Variants in ERBB2 observed in about 807,000 individuals in gnomAD.
ERBB2 encodes the protein erb-b2 receptor tyrosine kinase 2.
In ERBB2, 61 loss-of-function variants were observed where a neutral mutation model predicts 149.0. The observed-to-expected ratio is 0.41, with a 90% confidence interval of 0.33 to 0.51. The LOEUF (loss-of-function observed/expected upper bound fraction) is 0.51, where lower values mean the gene tolerates loss of function less well. ERBB2 is among the 20% of genes least tolerant of loss of function. The pLI, the probability that ERBB2 is intolerant of heterozygous loss-of-function variation, is 0.25. For synonymous variants in ERBB2, 633 were observed against 678.8 expected, an observed-to-expected ratio of 0.93 and a Z score of 1.05; for missense variants, 1,205 against 1,655.1, an observed-to-expected ratio of 0.73 and a Z score of 4.72.
upstream of ERBB2, among the ~76,000 whole-genome samples, chr17:39,695,726 C>CACACACAT (rs1342140419): frequency 2.0e-5 from 3 of 150,054 alleles, no homozygotes; most frequent in Non-Finnish European, 4.5e-5. Context: ...CACACACACA[C>CACACACAT]ACACACACAC....
At chr17:39,724,167 G>A (rs1383261019) in intron 19 of ERBB2, among the ~76,000 whole-genome samples, 157 bp downstream of exon 19, 2 of 151,632 alleles carry the variant, frequency 1.3e-5, no homozygotes, top group Non-Finnish European at 2.9e-5. Flanking sequence ...CACCCAGGCT[G>A]GAGTGCAGTG....
In ERBB2 at chr17:39,708,508, G is replaced by A. The variant is rs748476466; in HGVS notation, c.413G>A (p.Arg138Gln). The A allele has an allele frequency of 6.8e-6, 11 of 1,614,036 alleles. No homozygotes were observed. Among genetic ancestry groups the A allele is most frequent in the African/African-American group, 1.3e-5 (1 of 75,032 alleles). Reference protein sequence around the residue: ...PVTGASPGGLRELQLRSLTEI... With the variant: ...PVTGASPGGLQELQLRSLTEI... ...ACAGGGGCCTCCCCAGGAGGCCTGC[G>A]GGAGCTGCAGCTTCGAAGCCTCACA... The change falls in exon 3 of 27, where the codon CGG becomes CAG. Residue 138 changes from arginine to glutamine, a missense_variant. Transcript: ENST00000269571.
rs1233542026 is a variant in ERBB2, at chr17:39,726,032, AAC to A, written c.2872+182_2872+183del. Reference sequence around the variant, plus strand: ...TCAAAGTCCAAAGCCACTCTTGAGGAACACTCTTGTACAAAATTAAGCTGGGC... The same window carrying A: ...TCAAAGTCCAAAGCCACTCTTGAGGAACTCTTGTACAAAATTAAGCTGGGC... On this transcript the variant is annotated intron_variant, in intron 23 of 26. Transcript: ENST00000269571. This position sits in a 1 kb window ranked among gnomAD's most constrained non-coding sequence, Gnocchi z 5.1. 4.8e-6 allele frequency: 3 copies of A among 619,362 alleles called. No individual in the cohort carries two copies. Among genetic ancestry groups the A allele is most frequent in the Non-Finnish European group, 8.3e-6 (3 of 363,508 alleles). The allele number at this position is 619,362 out of a possible 1,614,324, so 38.4% of individuals were successfully genotyped here. A position where few individuals can be genotyped will look rare whatever the true frequency, so the allele number is the denominator to read the frequency against.
chr17:39,712,179 C>T (rs1555615362), intron 8 of ERBB2, 132 bp downstream of exon 8: 1 of 1,527,418 alleles, frequency 6.5e-7, no homozygotes, highest in East Asian at 2.3e-5. Flanking sequence ...CTCTCTACCC[C>T]TGGCCCCCCT....
At position 39,716,359 on chromosome 17, in the gene ERBB2, G is replaced by C; in HGVS notation, c.1572G>C (p.Gly524=). 6.2e-7 allele frequency: 1 copy of C among 1,609,444 alleles called. No individual in the cohort carries two copies. Among genetic ancestry groups the C allele is most frequent in the South Asian group, 1.1e-5 (1 of 90,470 alleles). Residue 524 remains glycine (G), a synonymous_variant, in exon 13 of 27, where the codon GGG becomes GGC. Coordinates refer to ENST00000269571, the MANE Select transcript of ERBB2 (RefSeq NM_004448.4). Reference sequence around the variant, plus strand: ...CCCGAGGGCACTGCTGGGGTCCAGGGCCCACCCAGTGTGTCAACTGCAGCC... The same window carrying C: ...CCCGAGGGCACTGCTGGGGTCCAGGCCCCACCCAGTGTGTCAACTGCAGCC... ...LCARGHCWGP[G]PTQCVNCSQF... is the part of the protein sequence containing the mutation.
chr17:39,709,979 G>T, intron 5 of ERBB2, 98 bp downstream of exon 5: 1 of 1,499,780 alleles, frequency 6.7e-7, no homozygotes, highest in Non-Finnish European at 9.2e-7. Context: ...GGGATAACAG[G>T]CTTGGGATGT....
intron 2 of ERBB2, 54 bp from the exon 3 acceptor site, chr17:39,708,267 C>A (rs2145433607): frequency 1.4e-6 from 2 of 1,464,324 alleles, no homozygotes; most frequent in Non-Finnish European, 1.9e-6. Context: ...CCCAGGGAGG[C>A]CCTGGGGGGT....
chr17:39,709,228 C>A, intron 3 of ERBB2, 90 bp from the exon 4 acceptor site: 1 of 1,503,076 alleles, frequency 6.7e-7, no homozygotes, highest in South Asian at 1.2e-5. Flanking sequence ...TTTAAAAGGC[C>A]TGCTCCTCTT....
chr17:39,714,695 G>C (rs892652256), intron 9 of ERBB2, among the ~76,000 whole-genome samples: 4 of 151,786 alleles, frequency 2.6e-5, no homozygotes, highest in Non-Finnish European at 4.4e-5. Flanking sequence ...CTTACAAACA[G>C]TTCCACTTTG....
chr17:39,728,465 G>A lies in ERBB2; in HGVS notation c.*421G>A. On this transcript the variant is annotated 3_prime_UTR_variant, in exon 27 of 27. Coordinates refer to ENST00000269571, the MANE Select transcript of ERBB2 (RefSeq NM_004448.4). The stretch of plus-strand genomic sequence containing the variant: ...GAAACCTAGTACTGCCCCCCATGAG[G>A]AAGGAACAGCAATGGTGTCAGTATC... The A allele has an allele frequency of 4.0e-6, 1 of 250,296 alleles. No homozygotes were observed. Among genetic ancestry groups the A allele is most frequent in the Non-Finnish European group, 7.7e-6 (1 of 130,194 alleles). The allele number at this position is 250,296 out of a possible 1,614,324, so 15.5% of individuals were successfully genotyped here.
At chr17:39,716,651 G>T in intron 14 of ERBB2, 46 bp downstream of exon 14, 2 of 1,560,866 alleles carry the variant, frequency 1.3e-6, no homozygotes, top group South Asian at 2.2e-5. Flanking sequence ...GGGCAGCGAG[G>T]GGGATTGCCA....
chr17:39,708,184 C>T (rs1307306091), intron 2 of ERBB2, 137 bp from the exon 3 acceptor site: 3 of 606,076 alleles, frequency 4.9e-6, no homozygotes, highest in East Asian at 2.8e-5. Context: ...TCTATTTTAT[C>T]GTTTTATTTA....
chr17:39,715,187 G>A, intron 9 of ERBB2, 99 bp from the exon 10 acceptor site: 2 of 990,196 alleles, frequency 2.0e-6, no homozygotes, highest in Non-Finnish European at 3.2e-6. Flanking sequence ...AAGGGTTTGA[G>A]TGAAGGCATT....
chr17:39,691,896 TATAG>T (rs1263368418), upstream of ERBB2, among the ~76,000 whole-genome samples: 27 of 131,882 alleles, frequency 2.0e-4, no homozygotes, highest in South Asian at 1.2e-3. Flanking sequence ...TAGATATAGA[TATAG>T]ATATATATAC....
chr17:39,719,983 A>G (rs1331481074), intron 16 of ERBB2, 149 bp downstream of exon 16: 1 of 738,372 alleles, frequency 1.4e-6, no homozygotes, highest in Non-Finnish European at 2.4e-6. Context: ...TTTCCACTTC[A>G]CCAAGTGACA....
Position 39,723,274 on chromosome 17 carries a change from A to AC in ERBB2, c.1947-41dup. ...CCCGTGGGCCCCCTTTGTCCCTCCC[A>AC]CCCCAAACTAGCCCTCAATCCCTGA... On this transcript the variant is annotated intron_variant, in intron 16 of 26. Coordinates refer to ENST00000269571, the MANE Select transcript of ERBB2 (RefSeq NM_004448.4). The surrounding 1 kb of genome is among the most constrained non-coding windows in gnomAD (Gnocchi z 6.2). 6.6e-7 allele frequency: 1 copy of AC among 1,509,586 alleles called. No homozygotes were observed. Among genetic ancestry groups the AC allele is most frequent in the South Asian group, 1.1e-5 (1 of 88,252 alleles). The allele number at this position is 1,509,586 out of a possible 1,614,324, so 93.5% of individuals were successfully genotyped here.
At chr17:39,691,556 A>AAAT (rs573116217), upstream of ERBB2, among the ~76,000 whole-genome samples, 287 of 84,156 alleles carry the variant, frequency 3.4e-3, 4 homozygotes, top group South Asian at 8.8e-3. Context: ...TAAAAAAAAA[A>AAAT]ATATATATAT....
chr17:39,695,584 T>C (rs2057839177), upstream of ERBB2, among the ~76,000 whole-genome samples: 2 of 152,136 alleles, frequency 1.3e-5, no homozygotes, highest in African/African-American at 4.8e-5. Flanking sequence ...AGGCCTCAGT[T>C]TGTGGCCTGG....
chr17:39,725,297 G>A lies in ERBB2; in HGVS notation c.2650-30G>A, dbSNP rs2145872941. The A allele has an allele frequency of 6.2e-7, 1 of 1,613,640 alleles. No individual in the cohort carries two copies. The highest frequency in any genetic ancestry group is 8.5e-7 in the Non-Finnish European group (1 of 1,179,604). The stretch of plus-strand genomic sequence containing the variant: ...AGTGGCCACCTCCCCACAACACACA[G>A]TTGGAGGACTTCCTCTTCTGCCCTC... On this transcript the variant is annotated intron_variant, in intron 21 of 26. Transcript: ENST00000269571. This position sits in a 1 kb window ranked among gnomAD's most constrained non-coding sequence, Gnocchi z 4.6.
Sources: allele counts gnomAD v4.1 joint callset (sites outside exome capture counted in the v4.1 genomes callset), GRCh38; gene constraint gnomAD v4.1.1; non-coding constraint Gnocchi (gnomAD v3.1); transcripts MANE v1.5; gene names NCBI Gene and HGNC (gene_info 2026-07-23, HGNC 2026-07-21).